The following FAM114A2 variants were observed in gnomAD, a reference collection of about 807,000 sequenced individuals.
FAM114A2 encodes the protein protein FAM114A2.
FAM114A2 carries 53 observed loss-of-function variants against 58.4 expected under a neutral mutation model. The observed-to-expected ratio is 0.91, with a 90% CI of 0.73 to 1.14. The LOEUF (loss-of-function observed/expected upper bound fraction) is 1.14, where lower values mean the gene tolerates loss of function less well. FAM114A2 is among the 50% of genes most tolerant of loss of function. The pLI, the probability that FAM114A2 is intolerant of heterozygous loss-of-function variation, is 0.00. For missense variants in FAM114A2, 601 were observed against 581.1 expected (o/e 1.03, Z -0.35); for synonymous variants, 228 against 211.4 (o/e 1.08, Z -0.68).
intron 6 of FAM114A2, 108 bp downstream of exon 6, chr5:154,028,041 T>C (rs1771913826): frequency 9.8e-7 from 1 of 1,019,480 alleles, no homozygotes; most frequent in Non-Finnish European, 1.4e-6. Flanking sequence ...TGAATAAACA[T>C]TATTGAAAAT....
intron 8 of FAM114A2, among the ~76,000 whole-genome samples, chr5:154,012,132 G>A (rs1430984647): frequency 6.6e-6 from 1 of 151,964 alleles, no homozygotes; most frequent in African/African-American, 2.4e-5. Flanking sequence ...AAGACAAAAT[G>A]GTGGATAAGA....
chr5:154,003,282 G>A (rs766777210), intron 9 of FAM114A2, among the ~76,000 whole-genome samples: 2 of 151,402 alleles, frequency 1.3e-5, no homozygotes, highest in Admixed American at 1.3e-4. Flanking sequence ...GGGTCCAAGC[G>A]ATTCTCCTGC....
chr5:154,033,743 T>C (rs1772341917), intron 4 of FAM114A2, 48 bp downstream of exon 4: 2 of 1,123,342 alleles, frequency 1.8e-6, no homozygotes, highest in South Asian at 1.3e-5. Flanking sequence ...AGTTCAACTG[T>C]TCCATTTCAA....
chr5:154,004,998 G>T (rs188676779), intron 9 of FAM114A2, among the ~76,000 whole-genome samples: 8 of 152,190 alleles, frequency 5.3e-5, no homozygotes, highest in African/African-American at 1.9e-4. Flanking sequence ...TGGTAAGAAT[G>T]ACCTCTACTG....
intron 8 of FAM114A2, among the ~76,000 whole-genome samples, chr5:154,020,757 A>G (rs183013588): frequency 5.2e-4 from 79 of 152,286 alleles, no homozygotes; most frequent in African/African-American, 1.8e-3. Flanking sequence ...AACTACTCCA[A>G]TCAATAAAAA....
chr5:154,031,697 A>G (rs977206600), intron 4 of FAM114A2, among the ~76,000 whole-genome samples: 3 of 152,224 alleles, frequency 2.0e-5, no homozygotes, highest in Admixed American at 6.5e-5. Context: ...CATGAATAAT[A>G]AACCTAATCC....
chr5:154,034,790 G>A lies in FAM114A2; in HGVS notation c.164C>T (p.Thr55Ile), dbSNP rs1260093233. ...PVVSTRKRPE[T>I]KPSSDLETSK... Reference sequence around the variant, plus strand: ...AGTCTCAAGGTCACTGGAAGGTTTGGTCTCTGGTCTTTTCCGAGTGGAAAC... The same window carrying A: ...AGTCTCAAGGTCACTGGAAGGTTTGATCTCTGGTCTTTTCCGAGTGGAAAC... The change falls in exon 2 of 14, where the codon ACC becomes ATC. Residue 55 changes from threonine to isoleucine, a missense_variant. Physicochemically the swap from Thr to Ile is moderately conservative, Grantham distance 89 (BLOSUM62 -1). Transcript: ENST00000351797. 2 of 1,614,002 alleles carry A rather than the reference G, an allele frequency of 1.2e-6. No homozygotes were observed. The highest frequency in any genetic ancestry group is 1.7e-6 in the Non-Finnish European group (2 of 1,179,946).
intron 8 of FAM114A2, among the ~76,000 whole-genome samples, chr5:154,014,698 G>A (rs1311463768): frequency 6.6e-6 from 1 of 152,150 alleles, no homozygotes; most frequent in African/African-American, 2.4e-5. Context: ...TGCCTCACAG[G>A]GGTCCTTGGG....
intron 8 of FAM114A2, among the ~76,000 whole-genome samples, chr5:154,018,609 G>C (rs894060994): frequency 6.6e-6 from 1 of 152,006 alleles, no homozygotes; most frequent in Non-Finnish European, 1.5e-5. Flanking sequence ...AACCAAAAAA[G>C]AAAACTACAA....
chr5:154,007,157 A>G (rs1428598502), intron 9 of FAM114A2, among the ~76,000 whole-genome samples: 1 of 152,162 alleles, frequency 6.6e-6, no homozygotes, highest in Non-Finnish European at 1.5e-5. Flanking sequence ...AAATATATTA[A>G]GTGAAATCAT....
intron 4 of FAM114A2, among the ~76,000 whole-genome samples, chr5:154,033,181 A>C (rs886312541): frequency 3.9e-5 from 6 of 152,222 alleles, no homozygotes; most frequent in Admixed American, 2.6e-4. Context: ...ACTGAGACAG[A>C]TCAGCAAAAA....
In FAM114A2 at chr5:154,020,439, G is replaced by T. The variant is rs1209029600; in HGVS notation, c.913+5960C>A. 2.0e-5 allele frequency among the ~76,000 whole-genome samples: 3 copies of T among 152,020 alleles called. No homozygotes were observed. The East Asian group carries it at 5.8e-4, about 29-fold the overall frequency. ...AAGAAGAGAGAAGAATCAAATAGAT[G>T]CAATAAAAAAATGATGAAGAGTATA... is the stretch of plus-strand genomic sequence containing the variant. On this transcript the variant is annotated intron_variant, in intron 8 of 13. Transcript: ENST00000351797.
intron 12 of FAM114A2, 39 bp from the exon 13 acceptor site, chr5:153,995,011 T>A: frequency 7.3e-7 from 1 of 1,372,702 alleles, no homozygotes; most frequent in Non-Finnish European, 1.0e-6. Context: ...GCAGAGTAGG[T>A]TAAATAACAG....
chr5:153,992,727 T>C lies in FAM114A2; in HGVS notation c.*249A>G, dbSNP rs927536702. On this transcript the variant is annotated 3_prime_UTR_variant, in exon 14 of 14. Coordinates refer to ENST00000351797, the MANE Select transcript of FAM114A2 (RefSeq NM_018691.4). Reference sequence around the variant, plus strand: ...TCCCACTAATCTTTATCTAGAGTTATTATTCTTGGACTTTCTACAAAAGTT... The same window carrying C: ...TCCCACTAATCTTTATCTAGAGTTACTATTCTTGGACTTTCTACAAAAGTT... 2 of 303,526 alleles carry C rather than the reference T, an allele frequency of 6.6e-6. No homozygotes were observed. The highest frequency in any genetic ancestry group is 5.4e-5 in the East Asian group (1 of 18,454). 18.8% of individuals were successfully genotyped at this position (303,526 alleles called of 1,614,324 possible). A position where few individuals can be genotyped will look rare whatever the true frequency, so the allele number is the denominator to read the frequency against.
intron 13 of FAM114A2, 103 bp downstream of exon 13, chr5:153,994,816 A>G: frequency 1.4e-6 from 1 of 723,844 alleles, no homozygotes; most frequent in Non-Finnish European, 2.5e-6. Flanking sequence ...TGGCTAAACT[A>G]CCAATATGGT....
chr5:154,025,011 A>C (rs868515458), intron 8 of FAM114A2, among the ~76,000 whole-genome samples: 25 of 152,332 alleles, frequency 1.6e-4, no homozygotes, highest in African/African-American at 5.8e-4. Context: ...CTCCTTGAAG[A>C]AAAGGTTCAC....
intron 5 of FAM114A2, 68 bp downstream of exon 5, chr5:154,029,417 AAGAG>A (rs1772026240): frequency 3.4e-6 from 3 of 888,024 alleles, no homozygotes; most frequent in Admixed American, 3.7e-5. Flanking sequence ...GTTCAAAGAA[AAGAG>A]AGAGAAAGAT....
intron 11 of FAM114A2, among the ~76,000 whole-genome samples, chr5:153,998,738 C>T (rs1452730894): frequency 2.6e-5 from 4 of 151,678 alleles, no homozygotes; most frequent in Non-Finnish European, 5.9e-5. Flanking sequence ...GACTTTCTAG[C>T]CACCAGAATC....
Position 154,023,326 on chromosome 5 carries a change from A to T in FAM114A2, c.913+3073T>A, listed in dbSNP as rs563370543. On this transcript the variant is annotated intron_variant, in intron 8 of 13. Transcript: ENST00000351797. ...AAAAGAAAAAGATACTTGCACACGC[A>T]TGTTTAAGCAGCACAATTCAAAAGT... is the stretch of plus-strand genomic sequence containing the variant. 3.3e-5 allele frequency among the ~76,000 whole-genome samples: 5 copies of T among 152,198 alleles called. No individual in the cohort carries two copies. The South Asian group carries it at 8.3e-4, about 25-fold the overall frequency.
Sources: gnomAD v4.1 joint callset for allele counts (sites outside exome capture counted in the v4.1 genomes callset) on GRCh38, gnomAD v4.1.1 for gene constraint, MANE v1.5 for transcripts, NCBI Gene and HGNC (gene_info 2026-07-23, HGNC 2026-07-21) for gene names.